Variants in KCNH7 observed in about 807,000 individuals in gnomAD.
KCNH7 encodes the protein voltage-gated inwardly rectifying potassium channel KCNH7.
Under a neutral mutation model 120.8 loss-of-function variants are expected in KCNH7, and 49 were observed. That is an observed-to-expected ratio of 0.41 (90% confidence interval 0.32 to 0.51). KCNH7 has a LOEUF of 0.51. KCNH7 is among the 20% of genes least tolerant of loss of function. KCNH7 has a pLI of 0.38. For missense variants in KCNH7, 1,097 were observed against 1,446.6 expected, an observed-to-expected ratio of 0.76 and a Z score of 3.92; for synonymous variants, 547 against 516.1, an observed-to-expected ratio of 1.06 and a Z score of -0.81.
chr2:162,434,705 GTATATA>G (rs35935156), intron 8 of KCNH7, among the ~76,000 whole-genome samples: 3 of 147,012 alleles, frequency 2.0e-5, no homozygotes, highest in Admixed American at 2.0e-4. Context: ...TATGTTGCAT[GTATATA>G]TATATATATA....
intron 6 of KCNH7, among the ~76,000 whole-genome samples, chr2:162,479,684 T>C (rs564764183): frequency 6.6e-6 from 1 of 151,738 alleles, no homozygotes; most frequent in African/African-American, 2.4e-5. Context: ...TGTGTGTGTG[T>C]GTGTGTGTGT....
chr2:162,768,113 C>T (rs28727499), intron 2 of KCNH7, among the ~76,000 whole-genome samples: 42,550 of 151,990 alleles, frequency 0.28, 6,895 homozygotes, highest in African/African-American at 0.45. Flanking sequence ...ATAGTATCTA[C>T]AACAAAATAT....
intron 9 of KCNH7, among the ~76,000 whole-genome samples, chr2:162,409,496 A>G (rs1687324663): frequency 6.6e-6 from 1 of 151,938 alleles, no homozygotes; most frequent in Non-Finnish European, 1.5e-5. Context: ...ACCAATGAAT[A>G]TAATTATAAA....
At chr2:162,470,870 C>T (rs1046750371) in intron 6 of KCNH7, among the ~76,000 whole-genome samples, 2 of 152,208 alleles carry the variant, frequency 1.3e-5, no homozygotes, top group East Asian at 3.9e-4. Flanking sequence ...AAGAAGTAGA[C>T]ATGGGAGACT....
Position 162,809,977 on chromosome 2 carries a change from G to A in KCNH7, c.307+26560C>T, listed in dbSNP as rs1328934659. ...GTCGCCCAGGCTGGAGTGCAGTGGC[G>A]CAATCTCAGCTCACTGCAAGCTCCG... is the stretch of plus-strand genomic sequence containing the variant. On this transcript the variant is annotated intron_variant, in intron 2 of 15. Transcript: ENST00000332142. 3.3e-3 allele frequency among the ~76,000 whole-genome samples: 62 copies of A among 18,854 alleles called. 20 individuals carry two copies. The highest frequency in any genetic ancestry group is 8.0e-3 in the Non-Finnish European group (56 of 6,996). 12.4% of individuals were successfully genotyped at this position (18,854 alleles called of 152,430 possible). A position where few individuals can be genotyped will look rare whatever the true frequency, so the allele number is the denominator to read the frequency against.
intron 2 of KCNH7, among the ~76,000 whole-genome samples, chr2:162,727,906 A>AT (rs1030427494): frequency 1.3e-5 from 2 of 152,192 alleles, no homozygotes; most frequent in South Asian, 2.1e-4. Context: ...GTATGAAAGG[A>AT]TTTTTTTAGG....
chr2:162,453,845 C>T (rs879047522), intron 6 of KCNH7, among the ~76,000 whole-genome samples: 1 of 151,976 alleles, frequency 6.6e-6, no homozygotes, highest in African/African-American at 2.4e-5. Flanking sequence ...CTTGTAGATT[C>T]TAGATATTAG....
intron 2 of KCNH7, among the ~76,000 whole-genome samples, chr2:162,652,355 A>T (rs1186879609): frequency 6.6e-6 from 1 of 152,172 alleles, no homozygotes; most frequent in Non-Finnish European, 1.5e-5. Context: ...AAAAACAAGT[A>T]TACAGAAGCA....
intron 2 of KCNH7, among the ~76,000 whole-genome samples, chr2:162,658,094 G>A (rs773369731): frequency 6.6e-6 from 1 of 151,370 alleles, no homozygotes; most frequent in Non-Finnish European, 1.5e-5. Flanking sequence ...TGCCATGGGA[G>A]CACACAAGAA....
intron 2 of KCNH7, among the ~76,000 whole-genome samples, chr2:162,821,074 G>T (rs1041839934): frequency 2.0e-5 from 3 of 152,074 alleles, no homozygotes; most frequent in Non-Finnish European, 4.4e-5. Context: ...ATTACAAATA[G>T]ACTAACACAT....
At chr2:162,513,490 C>CTTCCTTCT (rs1691183058) in intron 4 of KCNH7, among the ~76,000 whole-genome samples, 2 of 138,014 alleles carry the variant, frequency 1.4e-5, no homozygotes, top group African/African-American at 5.4e-5. Flanking sequence ...TCCTTCCTTC[C>CTTCCTTCT]TTCCTTCCTT....
chr2:162,635,555 A>T (rs1479292882), intron 2 of KCNH7, among the ~76,000 whole-genome samples: 1 of 151,966 alleles, frequency 6.6e-6, no homozygotes, highest in East Asian at 1.9e-4. Flanking sequence ...TTTTACACCC[A>T]CCCACACAGG....
chr2:162,662,304 C>T (rs963342642), intron 2 of KCNH7, among the ~76,000 whole-genome samples: 1 of 151,940 alleles, frequency 6.6e-6, no homozygotes, highest in East Asian at 1.9e-4. Context: ...AATTAGATTG[C>T]ATTAAAATTC....
intron 2 of KCNH7, among the ~76,000 whole-genome samples, chr2:162,549,623 G>GA (rs1692599440): frequency 6.6e-6 from 1 of 151,864 alleles, no homozygotes; most frequent in Non-Finnish European, 1.5e-5. Context: ...CAGAAGAACT[G>GA]AAAAAAATAG....
intron 6 of KCNH7, among the ~76,000 whole-genome samples, chr2:162,452,995 G>C (rs576372730): frequency 1.3e-4 from 20 of 152,046 alleles, no homozygotes; most frequent in South Asian, 4.2e-4. Flanking sequence ...AGAATGTGCA[G>C]GTTTGTTACA....
intron 2 of KCNH7, among the ~76,000 whole-genome samples, chr2:162,706,300 G>A (rs1230134790): frequency 1.3e-5 from 2 of 152,078 alleles, no homozygotes; most frequent in African/African-American, 2.4e-5. Flanking sequence ...CCATAAAAAT[G>A]ACTTTAGTAA....
At chr2:162,799,949 T>TAAACACACACACACACACACACACAC (rs71410048) in intron 2 of KCNH7, among the ~76,000 whole-genome samples, 1 of 146,316 alleles carries the variant, frequency 6.8e-6, no homozygotes, top group Non-Finnish European at 1.5e-5. Context: ...TTTACACACA[T>TAAACACACACACACACACACACACAC]ACACACACAC....
intron 2 of KCNH7, among the ~76,000 whole-genome samples, chr2:162,647,265 G>C (rs760963316): frequency 6.6e-6 from 1 of 152,126 alleles, no homozygotes; most frequent in African/African-American, 2.4e-5. Context: ...GGGCTCTGAC[G>C]TGTTTTTTTG....
Position 162,648,052 on chromosome 2 carries a change from A to G in KCNH7, c.308-110972T>C, listed in dbSNP as rs771014345. 5.0e-4 allele frequency among the ~76,000 whole-genome samples: 76 copies of G among 152,198 alleles called. 1 individual carries two copies. The highest frequency in any genetic ancestry group is 6.5e-5 in the Admixed American group (1 of 15,276). ...GGTAAATGCTACTAATGAATTACCT[A>G]TTATAAACTTGCAGTATTTTTCCAT... On this transcript the variant is annotated intron_variant, in intron 2 of 15. Coordinates refer to ENST00000332142, the MANE Select transcript of KCNH7 (RefSeq NM_033272.4).
Sources: gnomAD v4.1 joint callset for allele counts (sites outside exome capture counted in the v4.1 genomes callset) on GRCh38, gnomAD v4.1.1 for gene constraint, MANE v1.5 for transcripts, NCBI Gene and HGNC (gene_info 2026-07-23, HGNC 2026-07-21) for gene names.